PPARG: variants seen among roughly 807,000 people sequenced by gnomAD.
PPARG encodes peroxisome proliferator activated receptor gamma.
A neutral mutation model predicts 39.2 loss-of-function variants in PPARG; 17 were observed. That is an observed-to-expected ratio of 0.43 (90% CI 0.30 to 0.65). The LOEUF (loss-of-function observed/expected upper bound fraction) is 0.65. PPARG is among the 30% of genes least tolerant of loss of function. PPARG has a pLI of 0.13. For synonymous variants in PPARG, 223 were observed against 215.7 expected (o/e 1.03, Z -0.30); for missense variants, 406 against 585.9 (o/e 0.69, Z 3.17).
rs145171315 is a variant in PPARG, at chr3:12,360,324, A to G, written c.-8-19380A>G. ...CCATGGCTGGCCTTAATACTGTTTT[A>G]TGAGTTCTGAATTGAATAATTTTTA... On this transcript the variant is annotated intron_variant, in intron 2 of 7. Transcript: ENST00000651735. 9.3e-4 allele frequency among the ~76,000 whole-genome samples: 142 copies of G among 152,190 alleles called. 1 individual carries two copies. The highest frequency in any genetic ancestry group is 3.3e-3 in the African/African-American group (138 of 41,520).
chr3:12,375,551 G>C (rs546287445), intron 2 of PPARG, among the ~76,000 whole-genome samples: 1 of 152,216 alleles, frequency 6.6e-6, no homozygotes, highest in South Asian at 2.1e-4. Context: ...GTGTAGACAA[G>C]GGAAATATAC....
chr3:12,380,007 A>G (rs748066698), intron 3 of PPARG, 76 bp downstream of exon 3: 8 of 1,237,792 alleles, frequency 6.5e-6, no homozygotes, highest in Non-Finnish European at 7.1e-6. Flanking sequence ...TGTAATAAAT[A>G]ATGCTCCAGA....
chr3:12,302,942 A>C (rs7620165), intron 1 of PPARG, among the ~76,000 whole-genome samples: 1 of 152,066 alleles, frequency 6.6e-6, no homozygotes, highest in Non-Finnish European at 1.5e-5. Flanking sequence ...GAAGCAGAGA[A>C]TGATGCTCAA....
At chr3:12,307,217 A>G (rs550286717) in intron 1 of PPARG, among the ~76,000 whole-genome samples, 6 of 150,690 alleles carry the variant, frequency 4.0e-5, no homozygotes, top group East Asian at 3.9e-4. Context: ...ACAGAGGTCA[A>G]TTGAATATAG....
chr3:12,369,095 G>A (rs185558126), intron 2 of PPARG, among the ~76,000 whole-genome samples: 2 of 152,272 alleles, frequency 1.3e-5, no homozygotes, highest in Non-Finnish European at 1.5e-5. Context: ...CAGTGAAGAA[G>A]AGATACTCAT....
intron 7 of PPARG, among the ~76,000 whole-genome samples, chr3:12,427,574 A>C (rs2051495583): frequency 6.6e-6 from 1 of 152,202 alleles, no homozygotes; most frequent in African/African-American, 2.4e-5. Flanking sequence ...CATTCTCACC[A>C]TACGCTTATG....
chr3:12,342,622 C>T (rs1448709745), intron 2 of PPARG, among the ~76,000 whole-genome samples: 1 of 152,110 alleles, frequency 6.6e-6, no homozygotes, highest in Non-Finnish European at 1.5e-5. Flanking sequence ...GCTTATGTAT[C>T]TGTATATACA....
chr3:12,322,866 A>G (rs1016791982), intron 2 of PPARG, among the ~76,000 whole-genome samples: 5 of 152,084 alleles, frequency 3.3e-5, no homozygotes, highest in Admixed American at 2.0e-4. Context: ...CAGTGGTACC[A>G]TCTTGGCTCA....
chr3:12,329,176 A>G (rs532069787), intron 2 of PPARG, among the ~76,000 whole-genome samples: 1 of 152,308 alleles, frequency 6.6e-6, no homozygotes, highest in African/African-American at 2.4e-5. Flanking sequence ...CAAAAAAAAA[A>G]AAAAAAACCT....
chr3:12,319,209 C>G lies in PPARG; in HGVS notation c.-9+6756C>G, dbSNP rs571408594. ...CTGCATCACAGAGATGTATGTTTCCCTAAGTTTGCTCACTATAATTTGTGA... is the reference window on the plus strand; with the variant it reads ...CTGCATCACAGAGATGTATGTTTCCGTAAGTTTGCTCACTATAATTTGTGA... On this transcript the variant is annotated intron_variant, in intron 2 of 7. Coordinates refer to ENST00000651735, the MANE Select transcript of PPARG (RefSeq NM_138711.6). Among the ~76,000 whole-genome samples the G allele has an allele frequency of 7.9e-5, 12 of 152,168 alleles. 1 individual carries two copies. The highest frequency in any genetic ancestry group is 1.6e-4 in the Non-Finnish European group (11 of 68,014).
At chr3:12,412,503 A>T (rs2050911275) in intron 6 of PPARG, among the ~76,000 whole-genome samples, 1 of 152,226 alleles carries the variant, frequency 6.6e-6, no homozygotes, top group African/African-American at 2.4e-5. Flanking sequence ...ATATATCAAA[A>T]TTAATTATAT....
chr3:12,375,028 A>T (rs531600360), intron 2 of PPARG, among the ~76,000 whole-genome samples: 15 of 152,328 alleles, frequency 9.8e-5, no homozygotes, highest in African/African-American at 3.4e-4. Context: ...TTTTCACATT[A>T]AAAATTTTCC....
intron 1 of PPARG, among the ~76,000 whole-genome samples, chr3:12,300,603 G>A (rs774451174): frequency 6.6e-6 from 1 of 151,642 alleles, no homozygotes; most frequent in African/African-American, 2.4e-5. Flanking sequence ...CTCAAAGGAG[G>A]TGAAACCAGC....
At chr3:12,308,185 AAAT>A (rs1291470164) in intron 1 of PPARG, among the ~76,000 whole-genome samples, 1 of 151,972 alleles carries the variant, frequency 6.6e-6, no homozygotes, top group Non-Finnish European at 1.5e-5. Flanking sequence ...CTCTACAAAA[AAAT>A]GAAAAATTAG....
chr3:12,367,743 G>C (rs753342504), intron 2 of PPARG, among the ~76,000 whole-genome samples: 2 of 151,552 alleles, frequency 1.3e-5, no homozygotes, highest in Non-Finnish European at 2.9e-5. Flanking sequence ...ATGTGGTGGT[G>C]AATGCCTGTG....
At chr3:12,316,854 G>A (rs141856630) in intron 2 of PPARG, among the ~76,000 whole-genome samples, 1 of 152,222 alleles carries the variant, frequency 6.6e-6, no homozygotes, top group African/African-American at 2.4e-5. Context: ...TGGGTGGCTG[G>A]GAGAGTTGCT....
intron 5 of PPARG, among the ~76,000 whole-genome samples, chr3:12,393,795 A>G (rs990448291): frequency 1.3e-5 from 2 of 152,140 alleles, no homozygotes; most frequent in Non-Finnish European, 2.9e-5. Flanking sequence ...TATCATGCAG[A>G]TACTTGGTTT....
At chr3:12,359,173 ATG>A (rs2048758726) in intron 2 of PPARG, among the ~76,000 whole-genome samples, 1 of 152,114 alleles carries the variant, frequency 6.6e-6, no homozygotes, top group South Asian at 2.1e-4. Flanking sequence ...CCACAATACT[ATG>A]TGTTTCTTGT....
intron 7 of PPARG, among the ~76,000 whole-genome samples, chr3:12,431,726 G>T (rs958725045): frequency 1.3e-5 from 2 of 152,008 alleles, no homozygotes; most frequent in African/African-American, 4.8e-5. Context: ...GATTGGTTGA[G>T]GCCAGGAGTT....
Sources: gnomAD v4.1 joint callset for allele counts (sites outside exome capture counted in the v4.1 genomes callset) on GRCh38, gnomAD v4.1.1 for gene constraint, MANE v1.5 for transcripts, NCBI Gene and HGNC (gene_info 2026-07-23, HGNC 2026-07-21) for gene names.